The following C11orf65 variants were observed in gnomAD, a reference collection of about 807,000 sequenced individuals.
C11orf65 encodes chromosome 11 open reading frame 65, also known as protein MFI.
A neutral mutation model predicts 35.3 loss-of-function variants in C11orf65; 38 were observed. The observed-to-expected ratio is 1.08, with a 90% CI of 0.83 to 1.41. C11orf65 has a LOEUF of 1.41. Among genes scored for constraint, C11orf65 ranks in the 40% most tolerant of loss-of-function variants. The pLI is 0.00. For synonymous variants in C11orf65, 105 were observed against 114.4 expected, an observed-to-expected ratio of 0.92 and a Z score of 0.53; for missense variants, 370 against 367.1, an observed-to-expected ratio of 1.01 and a Z score of -0.06.
At chr11:108,396,852 A>AATAAATAC (rs1265391758) in intron 6 of C11orf65, among the ~76,000 whole-genome samples, 1 of 143,416 alleles carries the variant, frequency 7.0e-6, no homozygotes, top group African/African-American at 2.5e-5. Context: ...TAAATAAATA[A>AATAAATAC]ATAAATAAAT....
intron 3 of C11orf65, among the ~76,000 whole-genome samples, chr11:108,430,424 C>A (rs1427135996): frequency 2.6e-5 from 4 of 151,114 alleles, no homozygotes; most frequent in Non-Finnish European, 4.4e-5. Flanking sequence ...CAGGTGTGAG[C>A]CACTGCGCCC....
intron 1 of C11orf65, among the ~76,000 whole-genome samples, chr11:108,465,411 A>G (rs2093522830): frequency 6.6e-6 from 1 of 152,250 alleles, no homozygotes. Context: ...GAAATAAACA[A>G]TGAAGTTCCA....
At chr11:108,423,300 C>A (rs1355534374) in intron 3 of C11orf65, among the ~76,000 whole-genome samples, 1 of 152,132 alleles carries the variant, frequency 6.6e-6, no homozygotes, top group African/African-American at 2.4e-5. Flanking sequence ...CGGATCCCAC[C>A]CCCATGGAGC....
At chr11:108,442,652 G>A (rs546769199) in intron 2 of C11orf65, among the ~76,000 whole-genome samples, 1 of 152,288 alleles carries the variant, frequency 6.6e-6, no homozygotes, top group African/African-American at 2.4e-5. Context: ...CAAGCCAGAA[G>A]ACAGTGGGGG....
At chr11:108,414,480 T>C (rs2138789651) in intron 3 of C11orf65, among the ~76,000 whole-genome samples, 1 of 152,094 alleles carries the variant, frequency 6.6e-6, no homozygotes, top group Non-Finnish European at 1.5e-5. Context: ...AAGAGACCAA[T>C]TCCCTAAAGA....
At chr11:108,386,189 C>T (rs1399902134) in intron 7 of C11orf65, among the ~76,000 whole-genome samples, 1 of 152,290 alleles carries the variant, frequency 6.6e-6, no homozygotes. Flanking sequence ...AAAAATGGTG[C>T]CCACCATCTG....
intron 3 of C11orf65, among the ~76,000 whole-genome samples, chr11:108,407,886 C>T (rs1193563809): frequency 4.9e-5 from 7 of 144,222 alleles, no homozygotes; most frequent in Non-Finnish European, 1.1e-4. Flanking sequence ...GAGCCAAGAT[C>T]GCCCCACTGC....
intron 2 of C11orf65, among the ~76,000 whole-genome samples, chr11:108,442,629 A>C (rs971493813): frequency 6.6e-6 from 1 of 152,198 alleles, no homozygotes; most frequent in Non-Finnish European, 1.5e-5. Flanking sequence ...CGGATCTCTC[A>C]GCAGAAACTC....
At chr11:108,466,864 CTATTT>C (rs1234651293) in intron 1 of C11orf65, among the ~76,000 whole-genome samples, 1 of 152,212 alleles carries the variant, frequency 6.6e-6, no homozygotes, top group African/African-American at 2.4e-5. Flanking sequence ...TGTATACGTC[CTATTT>C]TGTTTCCTCT....
chr11:108,433,577 C>CACAAAACAAAACAAA (rs2093023262), intron 2 of C11orf65, among the ~76,000 whole-genome samples: 1 of 95,460 alleles, frequency 1.0e-5, no homozygotes. Flanking sequence ...GAGACTCCGT[C>CACAAAACAAAACAAA]TCAAAACAAA....
At chr11:108,362,556 C>G (rs2090894877) in intron 2 of C11orf65, among the ~76,000 whole-genome samples, 1 of 148,446 alleles carries the variant, frequency 6.7e-6, no homozygotes. Flanking sequence ...ACCCAAATGT[C>G]CAACAATGAT....
chr11:108,366,196 C>T (rs2091321807), intron 2 of C11orf65: 1 of 194,676 alleles, frequency 5.1e-6, no homozygotes. Context: ...TTCTCTTTAT[C>T]TTTTAAGCCC....
At chr11:108,347,840 A>C (rs537537584) in intron 2 of C11orf65, among the ~76,000 whole-genome samples, 1 of 152,308 alleles carries the variant, frequency 6.6e-6, no homozygotes, top group South Asian at 2.1e-4. Context: ...AAATAAATGA[A>C]GGACATGATA....
chr11:108,435,035 T>C (rs1295987943), intron 2 of C11orf65, among the ~76,000 whole-genome samples: 2 of 152,222 alleles, frequency 1.3e-5, no homozygotes, highest in Non-Finnish European at 2.9e-5. Context: ...ACATCCTCTA[T>C]GTTGTAGTAG....
At chr11:108,461,346 C>A in intron 2 of C11orf65, 133 bp downstream of exon 2, 1 of 673,400 alleles carries the variant, frequency 1.5e-6, no homozygotes, top group Non-Finnish European at 2.6e-6. Context: ...GCTGCAGTGA[C>A]CCAATATCAT....
chr11:108,389,120 C>T (rs900228777), intron 7 of C11orf65, among the ~76,000 whole-genome samples: 7 of 152,212 alleles, frequency 4.6e-5, no homozygotes, highest in Admixed American at 1.3e-4. Context: ...TGTCCATAGA[C>T]GTTGAAGGAT....
At chr11:108,340,911 AT>A (rs2087480269) in intron 2 of C11orf65, among the ~76,000 whole-genome samples, 1 of 151,972 alleles carries the variant, frequency 6.6e-6, no homozygotes, top group Non-Finnish European at 1.5e-5. Flanking sequence ...TAAAATTTTT[AT>A]TTTTTATTGT....
intron 6 of C11orf65, chr11:108,315,797 A>C: frequency 6.3e-7 from 1 of 1,579,512 alleles, no homozygotes; most frequent in Non-Finnish European, 8.7e-7. Flanking sequence ...TTCCTTCTTC[A>C]ATTTTTGTTG....
rs184433393 is a variant in C11orf65, at chr11:108,445,328, C to T, written c.82-13490G>A. ...CCTCCTCAAGTGGGTCCCTGACCCCCGAGCAGCCTAACTGGGAGGCACCCC... is the reference window on the plus strand; with the variant it reads ...CCTCCTCAAGTGGGTCCCTGACCCCTGAGCAGCCTAACTGGGAGGCACCCC... On this transcript the variant is annotated intron_variant, in intron 2 of 8. Transcript: ENST00000393084. Among the ~76,000 whole-genome samples, 1,498 of 152,260 alleles carry T rather than the reference C, an allele frequency of 9.8e-3. 32 individuals carry two copies. The highest frequency in any genetic ancestry group is 0.034 in the African/African-American group (1,416 of 41,552).
Sources: gnomAD v4.1 joint callset for allele counts (sites outside exome capture counted in the v4.1 genomes callset) on GRCh38, gnomAD v4.1.1 for gene constraint, MANE v1.5 for transcripts, NCBI Gene and HGNC (gene_info 2026-07-23, HGNC 2026-07-21) for gene names.